The following TBCD variants were observed in gnomAD, a reference collection of about 807,000 sequenced individuals.
The protein encoded by TBCD is tubulin-specific chaperone D.
In TBCD, 105 loss-of-function variants were observed where a neutral mutation model predicts 169.3. That is an observed-to-expected ratio of 0.62 (90% confidence interval 0.53 to 0.73). TBCD has a LOEUF of 0.73. Ranked by LOEUF, TBCD falls within the 30% of genes least tolerant of loss-of-function variation. The pLI, the probability that TBCD is intolerant of heterozygous loss-of-function variation, is 0.00. For synonymous variants in TBCD, 700 were observed against 643.9 expected (o/e 1.09, Z -1.32); for missense variants, 1,444 against 1,600.1 (o/e 0.90, Z 1.66).
chr17:82,930,589 G>A lies in TBCD; in HGVS notation c.3059G>A (p.Gly1020Asp). 1 of 1,613,958 alleles carries A rather than the reference G, an allele frequency of 6.2e-7. No homozygotes were observed. Among genetic ancestry groups the A allele is most frequent in the East Asian group, 2.2e-5 (1 of 44,884 alleles). The change falls in exon 33 of 39, where the codon GGC becomes GAC. Residue 1020 changes from glycine (G) to aspartate (D), a missense_variant. Transcript: ENST00000355528. The surrounding 1 kb of genome is among the most constrained non-coding windows in gnomAD (Gnocchi z 5.2). ...KGIQSDPQALGSFSGTLLQIF... is the reference protein window; with the variant it reads ...KGIQSDPQALDSFSGTLLQIF... ...ATTCAGAGCGACCCGCAGGCCCTGG[G>A]CAGCTTCAGCGGGACCCTTCTGCAG...
At chr17:82,763,215 G>T (rs990184845) in intron 2 of TBCD, among the ~76,000 whole-genome samples, 1 of 152,116 alleles carries the variant, frequency 6.6e-6, no homozygotes, top group African/African-American at 2.4e-5. Context: ...AGCTCTGTAG[G>T]TTGGTGTGTA....
rs767406008 is a variant in TBCD at position 82,831,029 on chromosome 17, A to G, written c.1318+16095A>G. 6.2e-7 allele frequency: 1 copy of G among 1,614,006 alleles called. No individual in the cohort carries two copies. Among genetic ancestry groups the G allele is most frequent in the South Asian group, 1.1e-5 (1 of 91,070 alleles). On this transcript the variant is annotated intron_variant, in intron 13 of 38. Transcript: ENST00000355528. The surrounding 1 kb of genome is among the most constrained non-coding windows in gnomAD (Gnocchi z 4.6). ...ATGACATTTTCTTACCTTACTGGAGACTCTGCTGTGGTCTCAGCAGCCTGG... is the reference window on the plus strand; with the variant it reads ...ATGACATTTTCTTACCTTACTGGAGGCTCTGCTGTGGTCTCAGCAGCCTGG...
chr17:82,766,304 A>T lies in TBCD; in HGVS notation c.371A>T (p.His124Leu). ...GYKTFLRLFP[H>L]EVADVEPVLD... ...AAAACATTTCTTCGTTTATTTCCTC[A>T]TGAAGTTGCCGATGTAGAGCCTGTT... The change falls in exon 4 of 39, where the codon CAT becomes CTT. Residue 124 changes from histidine to leucine, a missense_variant. By Grantham distance (99) the His-to-Leu change is moderately conservative. Coordinates refer to ENST00000355528, the MANE Select transcript of TBCD (RefSeq NM_005993.5). 1 of 1,613,350 alleles carries T rather than the reference A, an allele frequency of 6.2e-7. No homozygotes were observed. The highest frequency in any genetic ancestry group is 8.5e-7 in the Non-Finnish European group (1 of 1,179,662).
At chr17:82,768,188 T>C (rs752848542) in intron 4 of TBCD, among the ~76,000 whole-genome samples, 2 of 152,166 alleles carry the variant, frequency 1.3e-5, no homozygotes, top group Non-Finnish European at 2.9e-5. Context: ...TTTTGATGTC[T>C]CTCTTGTCTG....
Position 82,937,361 on chromosome 17 carries a change from G to A in TBCD, c.3281+1G>A. 2.5e-6 allele frequency: 4 copies of A among 1,613,970 alleles called. No individual in the cohort carries two copies. The highest frequency in any genetic ancestry group is 3.4e-6 in the Non-Finnish European group (4 of 1,179,846). On this transcript the variant is annotated splice_donor_variant, in intron 35 of 38. Coordinates refer to ENST00000355528, the MANE Select transcript of TBCD (RefSeq NM_005993.5). LOFTEE classifies it high-confidence loss of function. ...AGAAGCTCCTGTCAGGCATCGCAGTGTGAGTTTCAAGTGCTGCTGGCCTTA... is the reference window on the plus strand; with the variant it reads ...AGAAGCTCCTGTCAGGCATCGCAGTATGAGTTTCAAGTGCTGCTGGCCTTA...
chr17:82,888,125 T>C (rs1299374728), intron 15 of TBCD, among the ~76,000 whole-genome samples: 1 of 152,234 alleles, frequency 6.6e-6, no homozygotes, highest in African/African-American at 2.4e-5. Context: ...CTCATGTTTT[T>C]AGTGCTTTTT....
At position 82,926,767 on chromosome 17, in the gene TBCD, G is replaced by C. The variant is rs1008739102; in HGVS notation, c.2471+276G>C. The C allele has an allele frequency of 7.3e-6, 4 of 550,036 alleles. No individual in the cohort carries two copies. In the East Asian group the frequency reaches 1.2e-4, roughly 17 times the overall value. The allele number at this position is 550,036 out of a possible 1,614,324, so 34.1% of individuals were successfully genotyped here. A position where few individuals can be genotyped will look rare whatever the true frequency, so the allele number is the denominator to read the frequency against. On this transcript the variant is annotated intron_variant, in intron 28 of 38. Transcript: ENST00000355528. ...AGGTTGGCAAAGAGGAGCTGACCCTGCCAGCCAGTGTTTGGAATGATCTCT... is the reference window on the plus strand; with the variant it reads ...AGGTTGGCAAAGAGGAGCTGACCCTCCCAGCCAGTGTTTGGAATGATCTCT...
At position 82,794,437 on chromosome 17, in the gene TBCD, T is replaced by C. The variant is rs536676249; in HGVS notation, c.772-3320T>C. Among the ~76,000 whole-genome samples, 7 of 152,360 alleles carry C rather than the reference T, an allele frequency of 4.6e-5. No individual in the cohort carries two copies. The South Asian group carries it at 1.4e-3, about 32-fold the overall frequency. On this transcript the variant is annotated intron_variant, in intron 7 of 38. Transcript: ENST00000355528. ...CCTCATTTACCATGCAGGGCTGTTT[T>C]CCTCTAATCCCTGGTGTCATCACCT...
intron 2 of TBCD, among the ~76,000 whole-genome samples, chr17:82,758,384 G>GGAAAAAAAAAAAAAAAAAAAA (rs1555672563): frequency 4.0e-5 from 1 of 25,000 alleles, no homozygotes. Context: ...AAACGTCTCG[G>GGAAAAAAAAAAAAAAAAAAAA]AAAAAAAAAA....
At position 82,937,710 on chromosome 17, in the gene TBCD, C is replaced by G. The variant is rs371976566; in HGVS notation, c.3282-339C>G. On this transcript the variant is annotated intron_variant, in intron 35 of 38. Transcript: ENST00000355528. ...GTTGAGTGCCTTGCTCTGCGGCGCT[C>G]AGGTGGACACTGGGCAGGTGCGCCA... 5.8e-5 allele frequency: 40 copies of G among 684,436 alleles called. No homozygotes were observed. In the African/African-American group the frequency reaches 6.3e-4, roughly 11 times the overall value. 42.4% of individuals were successfully genotyped at this position (684,436 alleles called of 1,614,324 possible).
intron 13 of TBCD, among the ~76,000 whole-genome samples, chr17:82,849,910 G>A (rs2055511766): frequency 6.6e-6 from 1 of 152,106 alleles, no homozygotes; most frequent in African/African-American, 2.4e-5. Context: ...GTTGTTGGCT[G>A]TGCTGTTGTT....
chr17:82,942,067 A>G (rs1441257064), intron 38 of TBCD: 1 of 358,346 alleles, frequency 2.8e-6, no homozygotes, highest in Non-Finnish European at 5.0e-6. Flanking sequence ...ACATGGGGGC[A>G]GTGGGGATGG....
intron 23 of TBCD, among the ~76,000 whole-genome samples, chr17:82,914,324 C>G (rs1238161887): frequency 1.3e-5 from 2 of 152,200 alleles, no homozygotes; most frequent in African/African-American, 4.8e-5. Context: ...CTACCCCCAA[C>G]TCCAGCTTTC....
chr17:82,769,648 G>A (rs539234974), intron 5 of TBCD, among the ~76,000 whole-genome samples: 9 of 152,144 alleles, frequency 5.9e-5, no homozygotes, highest in East Asian at 5.8e-4. Context: ...AGGCCGGGGC[G>A]GGCAGATCAC....
At position 82,900,743 on chromosome 17, in the gene TBCD, G is replaced by GT; in HGVS notation, c.1730+17dup. ...AGCCACTGGGATGGGTAGGTTTTCT[G>GT]TTTTTGTTTTTCTAAGAGCTTTTTT... On this transcript the variant is annotated intron_variant, in intron 18 of 38. Transcript: ENST00000355528. 1 of 1,611,254 alleles carries GT rather than the reference G, an allele frequency of 6.2e-7. No homozygotes were observed. Among genetic ancestry groups the GT allele is most frequent in the Non-Finnish European group, 8.5e-7 (1 of 1,177,454 alleles).
chr17:82,870,417 G>GC, intron 14 of TBCD, 37 bp downstream of exon 14: 1 of 1,597,490 alleles, frequency 6.3e-7, no homozygotes. Context: ...GATGCGCCGT[G>GC]CCCCCTGACG....
At chr17:82,825,409 G>A (rs937107166) in intron 13 of TBCD, among the ~76,000 whole-genome samples, 12 of 152,126 alleles carry the variant, frequency 7.9e-5, no homozygotes, top group African/African-American at 1.2e-4. Context: ...CTGAAAGCTG[G>A]AAGTATAATA....
intron 13 of TBCD, chr17:82,859,874 G>A (rs966569961): frequency 2.0e-6 from 2 of 985,312 alleles, no homozygotes; most frequent in African/African-American, 3.5e-5. Flanking sequence ...TGAGATAACT[G>A]GGTTGGAGAC....
At chr17:82,827,931 G>A (rs1345969135) in intron 13 of TBCD, among the ~76,000 whole-genome samples, 3 of 140,888 alleles carry the variant, frequency 2.1e-5, no homozygotes, top group East Asian at 2.1e-4. Flanking sequence ...ATATGAGCAC[G>A]TGGACACCCA....
Sources: gnomAD v4.1 joint callset for allele counts (sites outside exome capture counted in the v4.1 genomes callset) on GRCh38, gnomAD v4.1.1 for gene constraint, Gnocchi (gnomAD v3.1) non-coding constraint, MANE v1.5 for transcripts, NCBI Gene and HGNC (gene_info 2026-07-23, HGNC 2026-07-21) for gene names.